Variants in CNOT1 observed in about 807,000 individuals in gnomAD.
The protein encoded by CNOT1 is CCR4-NOT transcription complex subunit 1, also known as CCR4-associated factor 1.
A neutral mutation model predicts 273.8 loss-of-function variants in CNOT1; 15 were observed. That is an observed-to-expected ratio of 0.05 (90% CI 0.04 to 0.08). The LOEUF is 0.08. Among genes scored for constraint, CNOT1 ranks in the 10% least tolerant of loss-of-function variants. The pLI, the probability that CNOT1 is intolerant of heterozygous loss-of-function variation, is 1.00. For synonymous variants in CNOT1, 1,022 were observed against 1,005.5 expected (o/e 1.02, Z -0.31); for missense variants, 1,644 against 2,912.2 (o/e 0.56, Z 10.02).
At chr16:58,577,614 T>A (rs1252511850) in intron 13 of CNOT1, among the ~76,000 whole-genome samples, 2 of 152,164 alleles carry the variant, frequency 1.3e-5, no homozygotes, top group African/African-American at 4.8e-5. Context: ...AAAGTTTTTT[T>A]CTGCATGTAT....
In CNOT1 at chr16:58,569,907, A is replaced by G. The variant is rs1201487847; in HGVS notation, c.1979+4702T>C. ...AAGAAATTCAATAAATTCTAAGTAG[A>G]ATAAACTCAAAGAGATTCATACCTA... On this transcript the variant is annotated intron_variant, in intron 16 of 48. Coordinates refer to ENST00000317147, the MANE Select transcript of CNOT1 (RefSeq NM_016284.5). 2.0e-5 allele frequency among the ~76,000 whole-genome samples: 3 copies of G among 152,212 alleles called. No homozygotes were observed. The East Asian group carries it at 5.8e-4, about 29-fold the overall frequency.
chr16:58,554,889 T>C (rs1185709191), intron 21 of CNOT1, among the ~76,000 whole-genome samples: 2 of 134,546 alleles, frequency 1.5e-5, no homozygotes, highest in Non-Finnish European at 3.1e-5. Flanking sequence ...TGGGCCCAGA[T>C]TGCACCACTG....
chr16:58,523,264 C>A, intron 47 of CNOT1, 106 bp downstream of exon 47: 6 of 1,274,436 alleles, frequency 4.7e-6, no homozygotes, highest in South Asian at 3.7e-5. Context: ...AAAAAAAAAC[C>A]AACCAAACGG....
intron 12 of CNOT1, 127 bp downstream of exon 12, chr16:58,580,506 A>ATCT (rs537523106): frequency 2.6e-4 from 361 of 1,369,592 alleles, no homozygotes; most frequent in Non-Finnish European, 3.3e-4. Flanking sequence ...AATACTTAAG[A>ATCT]TAAGTAAGGT....
Position 58,546,304 on chromosome 16 carries a change from C to T in CNOT1, c.4006+17G>A. The T allele has an allele frequency of 6.2e-7, 1 of 1,605,800 alleles. No homozygotes were observed. The highest frequency in any genetic ancestry group is 8.5e-7 in the Non-Finnish European group (1 of 1,173,942). ...CCTAGCTAACAGAAGCCTTCCTTGA[C>T]TAATTAGCACACTTACTTGTGGTTG... On this transcript the variant is annotated intron_variant, in intron 29 of 48. Transcript: ENST00000317147.
chr16:58,568,229 G>A (rs1162769133), intron 16 of CNOT1, among the ~76,000 whole-genome samples: 1 of 152,108 alleles, frequency 6.6e-6, no homozygotes, highest in Admixed American at 6.6e-5. Context: ...TTAGCTGGGC[G>A]TAATGGTGCA....
At chr16:58,588,764 G>A (rs1026494235) in intron 3 of CNOT1, 35 bp downstream of exon 3, 4 of 1,602,324 alleles carry the variant, frequency 2.5e-6, no homozygotes, top group East Asian at 4.5e-5. Flanking sequence ...AACAATTACA[G>A]CTAAGTGGAC....
intron 19 of CNOT1, among the ~76,000 whole-genome samples, chr16:58,556,211 A>T (rs1442421661): frequency 2.0e-5 from 3 of 152,240 alleles, no homozygotes; most frequent in Non-Finnish European, 4.4e-5. Context: ...TAGGTTAACA[A>T]ATCTTTATCA....
chr16:58,619,489 G>A lies in CNOT1; in HGVS notation c.-175+10239C>T, dbSNP rs770396609. On this transcript the variant is annotated intron_variant, in intron 1 of 48. Coordinates refer to ENST00000317147, the MANE Select transcript of CNOT1 (RefSeq NM_016284.5). ...GTCACCCAGGCTGAAGTGCAGTGGCGCGATCTCAGCTCACTGCAACCTCCG... is the reference window on the plus strand; with the variant it reads ...GTCACCCAGGCTGAAGTGCAGTGGCACGATCTCAGCTCACTGCAACCTCCG... Among the ~76,000 whole-genome samples the A allele has an allele frequency of 1.6e-3, 243 of 151,290 alleles. 4 individuals carry two copies. The highest frequency in any genetic ancestry group is 0.014 in the Middle Eastern group (4 of 294).
intron 1 of CNOT1, among the ~76,000 whole-genome samples, chr16:58,622,631 G>C (rs2043393638): frequency 6.6e-6 from 1 of 152,014 alleles, no homozygotes; most frequent in African/African-American, 2.4e-5. Context: ...TGGATCACCT[G>C]AGGTCAGGAG....
At chr16:58,606,116 A>G (rs2042668296) in intron 1 of CNOT1, among the ~76,000 whole-genome samples, 1 of 152,158 alleles carries the variant, frequency 6.6e-6, no homozygotes, top group Admixed American at 6.6e-5. Flanking sequence ...ATGATAATAT[A>G]AAGTAGCCAA....
intron 1 of CNOT1, among the ~76,000 whole-genome samples, chr16:58,603,573 C>T (rs557224382): frequency 2.0e-5 from 3 of 152,116 alleles, no homozygotes; most frequent in South Asian, 4.1e-4. Context: ...GGTTAAGGGA[C>T]CTAACCACTG....
chr16:58,574,909 T>C (rs767710911), intron 15 of CNOT1, 98 bp downstream of exon 15: 11 of 1,559,472 alleles, frequency 7.1e-6, no homozygotes, highest in Non-Finnish European at 9.5e-6. Context: ...AATTTTTCTT[T>C]AGTTTATTAC....
intron 16 of CNOT1, among the ~76,000 whole-genome samples, chr16:58,563,685 C>T (rs533241390): frequency 2.6e-5 from 4 of 152,232 alleles, no homozygotes; most frequent in Non-Finnish European, 4.4e-5. Flanking sequence ...ATAGAGATAC[C>T]GTATCTCCAT....
intron 1 of CNOT1, among the ~76,000 whole-genome samples, chr16:58,610,974 T>C (rs577187714): frequency 9.3e-5 from 14 of 151,158 alleles, no homozygotes; most frequent in African/African-American, 3.2e-4. Context: ...GAGGTGGAGG[T>C]TGCAGTGAGC....
intron 21 of CNOT1, 32 bp downstream of exon 21, chr16:58,555,219 A>G: frequency 6.2e-7 from 1 of 1,608,230 alleles, no homozygotes. Flanking sequence ...GGGTCAGGGA[A>G]GAGATCCTTC....
At chr16:58,555,660 T>C in intron 20 of CNOT1, 123 bp from the exon 21 acceptor site, 1 of 1,541,662 alleles carries the variant, frequency 6.5e-7, no homozygotes, top group Non-Finnish European at 8.7e-7. Context: ...AGACAAATAT[T>C]AAGGTTTCAA....
intron 47 of CNOT1, among the ~76,000 whole-genome samples, chr16:58,522,245 A>AAAAAC (rs2039418247): frequency 7.6e-5 from 2 of 26,232 alleles, no homozygotes; most frequent in African/African-American, 4.5e-4. Flanking sequence ...CTCAAAAAAA[A>AAAAAC]AAAAAAAAAA....
At chr16:58,522,237 C>CAAAAAAAAAAAAAAAAA (rs56149974) in intron 47 of CNOT1, among the ~76,000 whole-genome samples, 1 of 98,556 alleles carries the variant, frequency 1.0e-5, no homozygotes, top group African/African-American at 4.2e-5. Context: ...GAGACTGTCT[C>CAAAAAAAAAAAAAAAAA]AAAAAAAAAA....
Sources: allele counts gnomAD v4.1 joint callset (sites outside exome capture counted in the v4.1 genomes callset), GRCh38; gene constraint gnomAD v4.1.1; transcripts MANE v1.5; gene names NCBI Gene and HGNC (gene_info 2026-07-23, HGNC 2026-07-21).